GALNTL6: variants seen among roughly 807,000 people sequenced by gnomAD.
GALNTL6 encodes the protein polypeptide N-acetylgalactosaminyltransferase-like 6.
GALNTL6 carries 46 observed loss-of-function variants against 73.7 expected under a neutral mutation model. The ratio of observed to expected loss-of-function variants is 0.62; its 90% confidence interval spans 0.49 to 0.80. The LOEUF (loss-of-function observed/expected upper bound fraction) is 0.80, where lower values mean the gene tolerates loss of function less well. Ranked by LOEUF, GALNTL6 falls within the 30% of genes least tolerant of loss-of-function variation. The pLI, the probability that GALNTL6 is intolerant of heterozygous loss-of-function variation, is 0.00. For missense variants in GALNTL6, 604 were observed against 755.0 expected (o/e 0.80, Z 2.34); for synonymous variants, 259 against 263.7 (o/e 0.98, Z 0.17).
At chr4:172,738,100 A>T (rs750052571) in intron 5 of GALNTL6, among the ~76,000 whole-genome samples, 1 of 152,180 alleles carries the variant, frequency 6.6e-6, no homozygotes, top group Non-Finnish European at 1.5e-5. Context: ...GGCAGTCATG[A>T]TGCTACTCAT....
At chr4:172,184,451 AAAAT>A (rs1403246174) in intron 2 of GALNTL6, among the ~76,000 whole-genome samples, 2 of 152,226 alleles carry the variant, frequency 1.3e-5, no homozygotes, top group African/African-American at 4.8e-5. Flanking sequence ...TCTGGCAGAA[AAAAT>A]AAATAAAGAG....
intron 7 of GALNTL6, among the ~76,000 whole-genome samples, chr4:172,857,434 G>A (rs1038410274): frequency 2.6e-5 from 4 of 152,094 alleles, no homozygotes; most frequent in African/African-American, 7.2e-5. Flanking sequence ...TATGAGACAC[G>A]TTGGAAAGAT....
intron 10 of GALNTL6, among the ~76,000 whole-genome samples, chr4:172,999,666 C>T (rs1216893085): frequency 6.6e-6 from 1 of 152,104 alleles, no homozygotes; most frequent in Non-Finnish European, 1.5e-5. Context: ...AGAGACACCT[C>T]AAACTCAGCA....
chr4:172,762,489 T>G (rs1293599868), intron 5 of GALNTL6, among the ~76,000 whole-genome samples: 1 of 151,812 alleles, frequency 6.6e-6, no homozygotes, highest in Admixed American at 6.6e-5. Flanking sequence ...CTACATGAGA[T>G]TGCCCGTGGA....
At chr4:172,452,481 T>A (rs1198238017) in intron 5 of GALNTL6, among the ~76,000 whole-genome samples, 1 of 152,180 alleles carries the variant, frequency 6.6e-6, no homozygotes, top group African/African-American at 2.4e-5. Flanking sequence ...ATGTAAAGTC[T>A]GTACTATATG....
rs115958547 is a variant in GALNTL6, at chr4:173,008,302, T to C, written c.1372-876T>C. Among the ~76,000 whole-genome samples the C allele has an allele frequency of 3.7e-3, 565 of 152,324 alleles. 2 individuals are homozygous for C. The highest frequency in any genetic ancestry group is 7.2e-3 in the South Asian group (35 of 4,832). The stretch of plus-strand genomic sequence containing the variant: ...AAGGTGCTTTGAAGCAGGAAGATAA[T>C]AAATTCCAAATTAAGCACTATCTGA... On this transcript the variant is annotated intron_variant, in intron 10 of 12. Transcript: ENST00000506823.
chr4:172,209,187 A>T (rs1474134014), intron 2 of GALNTL6, among the ~76,000 whole-genome samples: 1 of 152,088 alleles, frequency 6.6e-6, no homozygotes, highest in East Asian at 1.9e-4. Flanking sequence ...TCATAGTATT[A>T]CATGTCTCAA....
intron 12 of GALNTL6, among the ~76,000 whole-genome samples, chr4:173,026,107 A>G (rs1337770441): frequency 6.6e-6 from 1 of 152,230 alleles, no homozygotes; most frequent in Non-Finnish European, 1.5e-5. Context: ...ATTATAGCAT[A>G]TGTCTTAATT....
chr4:172,045,958 T>C lies in GALNTL6; in HGVS notation c.139-183698T>C, dbSNP rs114368844. ...GTGAGAACTTGTGCTGTCTGTCTTA[T>C]TGTGCCAGCTTATCTCATTTAGTAT... On this transcript the variant is annotated intron_variant, in intron 2 of 12. Coordinates refer to ENST00000506823, the MANE Select transcript of GALNTL6 (RefSeq NM_001034845.3). Among the ~76,000 whole-genome samples the C allele has an allele frequency of 2.9e-3, 440 of 152,190 alleles. 1 individual carries two copies. Among genetic ancestry groups the C allele is most frequent in the African/African-American group, 0.01 (425 of 41,562 alleles).
intron 5 of GALNTL6, among the ~76,000 whole-genome samples, chr4:172,613,929 A>G (rs1738621712): frequency 1.3e-5 from 2 of 152,110 alleles, no homozygotes; most frequent in African/African-American, 4.8e-5. Context: ...ATTTTGTTCT[A>G]GCTACAAAGA....
intron 2 of GALNTL6, among the ~76,000 whole-genome samples, chr4:171,847,756 T>A (rs567542199): frequency 6.6e-6 from 1 of 152,300 alleles, no homozygotes; most frequent in African/African-American, 2.4e-5. Context: ...TATCATGAGA[T>A]TGCACCAACT....
intron 5 of GALNTL6, among the ~76,000 whole-genome samples, chr4:172,703,057 A>C (rs1734121258): frequency 6.6e-6 from 1 of 151,842 alleles, no homozygotes; most frequent in Non-Finnish European, 1.5e-5. Flanking sequence ...TTATTTATTT[A>C]TTTTTATTGC....
intron 2 of GALNTL6, among the ~76,000 whole-genome samples, chr4:172,090,049 C>A (rs1279001064): frequency 6.6e-6 from 1 of 152,190 alleles, no homozygotes; most frequent in Non-Finnish European, 1.5e-5. Flanking sequence ...TTTATGGCTG[C>A]ATAGTATTCC....
intron 2 of GALNTL6, among the ~76,000 whole-genome samples, chr4:172,122,003 T>C (rs7697010): frequency 0.44 from 65,791 of 151,070 alleles, 14,823 homozygotes; most frequent in African/African-American, 0.53. Flanking sequence ...TTTTTTTGTA[T>C]ATAGACCTCA....
chr4:171,984,757 G>T (rs1377318122), intron 2 of GALNTL6, among the ~76,000 whole-genome samples: 1 of 152,098 alleles, frequency 6.6e-6, no homozygotes, highest in African/African-American at 2.4e-5. Flanking sequence ...TAGATTAATG[G>T]GGGTATTTGA....
chr4:171,932,367 A>G (rs1444912104), intron 2 of GALNTL6, among the ~76,000 whole-genome samples: 1 of 152,220 alleles, frequency 6.6e-6, no homozygotes, highest in Non-Finnish European at 1.5e-5. Context: ...CAAAAAGTGA[A>G]TTGTGCTTGG....
intron 5 of GALNTL6, among the ~76,000 whole-genome samples, chr4:172,567,549 T>C (rs1262151735): frequency 1.3e-5 from 2 of 152,196 alleles, no homozygotes; most frequent in Non-Finnish European, 2.9e-5. Context: ...TAAATACTTC[T>C]TGTTGGCCGG....
intron 5 of GALNTL6, among the ~76,000 whole-genome samples, chr4:172,544,727 G>A (rs2110883391): frequency 6.6e-6 from 1 of 152,252 alleles, no homozygotes; most frequent in East Asian, 1.9e-4. Context: ...AGCATGAACA[G>A]TTCTTAATGA....
At chr4:172,654,583 G>A (rs146630026) in intron 5 of GALNTL6, among the ~76,000 whole-genome samples, 166 of 152,168 alleles carry the variant, frequency 1.1e-3, no homozygotes, top group African/African-American at 3.8e-3. Context: ...CATTTTGAAC[G>A]TCAGAAATTC....
Sources: gnomAD v4.1 joint callset for allele counts (sites outside exome capture counted in the v4.1 genomes callset) on GRCh38, gnomAD v4.1.1 for gene constraint, MANE v1.5 for transcripts, NCBI Gene and HGNC (gene_info 2026-07-23, HGNC 2026-07-21) for gene names.